Variants in HTR1F observed in about 807,000 individuals in gnomAD.
The protein encoded by HTR1F is 5-hydroxytryptamine (serotonin) receptor 1F, G protein-coupled.
A neutral mutation model predicts 24.0 loss-of-function variants in HTR1F; 17 were observed. The ratio of observed to expected loss-of-function variants is 0.71; its 90% CI spans 0.48 to 1.06. HTR1F has a LOEUF of 1.06. Ranked by LOEUF, HTR1F falls within the 50% of genes least tolerant of loss-of-function variation. The pLI is 0.00. For missense variants in HTR1F, 391 were observed against 427.8 expected (o/e 0.91, Z 0.76); for synonymous variants, 186 against 156.8 (o/e 1.19, Z -1.39).
At chr3:87,875,141 C>T (rs1344172238) in intron 2 of HTR1F, among the ~76,000 whole-genome samples, 7 of 152,164 alleles carry the variant, frequency 4.6e-5, no homozygotes, top group Admixed American at 2.0e-4. Context: ...AATGGAACCA[C>T]ATCAAACTTA....
intron 2 of HTR1F, among the ~76,000 whole-genome samples, chr3:87,834,551 C>T (rs368348546): frequency 9.2e-5 from 14 of 152,068 alleles, no homozygotes; most frequent in African/African-American, 3.1e-4. Context: ...CATACAAATC[C>T]ATGTCTTTTG....
At chr3:87,952,378 T>C (rs969484345) in intron 2 of HTR1F, among the ~76,000 whole-genome samples, 1 of 152,018 alleles carries the variant, frequency 6.6e-6, no homozygotes, top group African/African-American at 2.4e-5. Context: ...AATTGCAGAA[T>C]CTCATTAATA....
At chr3:87,884,140 G>C (rs538513475) in intron 2 of HTR1F, among the ~76,000 whole-genome samples, 1 of 152,274 alleles carries the variant, frequency 6.6e-6, no homozygotes, top group African/African-American at 2.4e-5. Flanking sequence ...ACTAACAGTG[G>C]ATCTCTTGGC....
At chr3:87,822,445 T>G (rs1014567217) in intron 2 of HTR1F, among the ~76,000 whole-genome samples, 1 of 152,122 alleles carries the variant, frequency 6.6e-6, no homozygotes, top group African/African-American at 2.4e-5. Context: ...TTATAGAAAG[T>G]GAAAGGTAGA....
At chr3:87,894,271 T>C (rs1706150011) in intron 2 of HTR1F, among the ~76,000 whole-genome samples, 1 of 152,130 alleles carries the variant, frequency 6.6e-6, no homozygotes, top group African/African-American at 2.4e-5. Flanking sequence ...AGTAAGAACA[T>C]ACAATGACAG....
chr3:87,948,516 CTG>C (rs919864554), intron 2 of HTR1F, among the ~76,000 whole-genome samples: 10 of 151,894 alleles, frequency 6.6e-5, no homozygotes, highest in African/African-American at 2.4e-4. Flanking sequence ...GGACCTCACT[CTG>C]TTGCCCAGGC....
At chr3:87,828,146 T>C (rs1323879836) in intron 2 of HTR1F, among the ~76,000 whole-genome samples, 4 of 152,226 alleles carry the variant, frequency 2.6e-5, no homozygotes, top group Admixed American at 2.6e-4. Flanking sequence ...GTTTTATAAA[T>C]TCTGTTCCAT....
chr3:87,847,077 CATAAA>C (rs1030561205), intron 2 of HTR1F, among the ~76,000 whole-genome samples: 3 of 151,296 alleles, frequency 2.0e-5, no homozygotes, highest in African/African-American at 7.3e-5. Context: ...ATAAAAAATT[CATAAA>C]ATAAAATATA....
chr3:87,945,302 C>G (rs1704671517), intron 2 of HTR1F, among the ~76,000 whole-genome samples: 1 of 152,226 alleles, frequency 6.6e-6, no homozygotes, highest in Middle Eastern at 3.4e-3. Flanking sequence ...CCTAAGGACA[C>G]AGCATAGAGC....
Position 87,990,959 on chromosome 3 carries a change from T to C in HTR1F, c.210T>C (p.Phe70=). 6.2e-7 allele frequency: 1 copy of C among 1,614,174 alleles called. No homozygotes were observed. The highest frequency in any genetic ancestry group is 8.5e-7 in the Non-Finnish European group (1 of 1,180,018). Residue 70 remains phenylalanine, a synonymous_variant, in exon 3 of 3, where the codon TTT becomes TTC. Transcript: ENST00000319595. Reference sequence around the variant, plus strand: ...TTTGTTCCCTTGCAGTCACAGATTTTCTTGTGGCTGTCCTGGTGATGCCCT... The same window carrying C: ...TTTGTTCCCTTGCAGTCACAGATTTCCTTGTGGCTGTCCTGGTGATGCCCT... ...YLICSLAVTD[F]LVAVLVMPFS...
At chr3:87,927,348 G>A (rs1254768417) in intron 2 of HTR1F, among the ~76,000 whole-genome samples, 3 of 146,076 alleles carry the variant, frequency 2.1e-5, no homozygotes, top group South Asian at 2.1e-4. Flanking sequence ...ATATTTATTC[G>A]TCTTAGTTTT....
At chr3:87,947,752 A>G (rs1704742592) in intron 2 of HTR1F, among the ~76,000 whole-genome samples, 1 of 151,422 alleles carries the variant, frequency 6.6e-6, no homozygotes, top group African/African-American at 2.4e-5. Context: ...AAAATGTTTG[A>G]CACAAAGTAA....
Position 87,844,717 on chromosome 3 carries a change from G to A in HTR1F, c.-43+22593G>A, listed in dbSNP as rs867971614. Among the ~76,000 whole-genome samples, 63 of 141,672 alleles carry A rather than the reference G, an allele frequency of 4.4e-4. 1 individual carries two copies. Among genetic ancestry groups the A allele is most frequent in the African/African-American group, 1.5e-3 (53 of 35,922 alleles). The allele number at this position is 141,672 out of a possible 152,430, so 92.9% of individuals were successfully genotyped here. A position where few individuals can be genotyped will look rare whatever the true frequency, so the allele number is the denominator to read the frequency against. Reference sequence around the variant, plus strand: ...AATTAATTTTTGTATAAGGTGTAAGGAAGGGATCCAGTTTCAGCTTTCTAC... The same window carrying A: ...AATTAATTTTTGTATAAGGTGTAAGAAAGGGATCCAGTTTCAGCTTTCTAC... On this transcript the variant is annotated intron_variant, in intron 2 of 2. Transcript: ENST00000319595.
chr3:87,899,484 T>A (rs1706275496), intron 2 of HTR1F, among the ~76,000 whole-genome samples: 1 of 152,164 alleles, frequency 6.6e-6, no homozygotes, highest in African/African-American at 2.4e-5. Context: ...TTATAAACAT[T>A]AAAGCTCTGT....
At chr3:87,838,960 T>C (rs749544401) in intron 2 of HTR1F, among the ~76,000 whole-genome samples, 4 of 151,772 alleles carry the variant, frequency 2.6e-5, no homozygotes, top group Non-Finnish European at 5.9e-5. Context: ...TTTCTCCCAA[T>C]CCATGAATTG....
intron 2 of HTR1F, among the ~76,000 whole-genome samples, chr3:87,863,536 A>G (rs1461995568): frequency 1.3e-5 from 2 of 152,198 alleles, no homozygotes; most frequent in Non-Finnish European, 2.9e-5. Flanking sequence ...ATTTTCAGCC[A>G]CTATATATCA....
At chr3:87,946,627 ATTT>A (rs113993620) in intron 2 of HTR1F, among the ~76,000 whole-genome samples, 11 of 129,148 alleles carry the variant, frequency 8.5e-5, no homozygotes, top group East Asian at 2.1e-4. Flanking sequence ...ATATATATAT[ATTT>A]TTTTTTTTTT....
At chr3:87,932,362 C>T (rs1704298481) in intron 2 of HTR1F, among the ~76,000 whole-genome samples, 1 of 151,976 alleles carries the variant, frequency 6.6e-6, no homozygotes, top group South Asian at 2.1e-4. Context: ...TGTAGATATG[C>T]AGCGTTATTT....
At chr3:87,894,420 G>A (rs1323553901) in intron 2 of HTR1F, among the ~76,000 whole-genome samples, 1 of 151,832 alleles carries the variant, frequency 6.6e-6, no homozygotes, top group Non-Finnish European at 1.5e-5. Context: ...CCATGCCTGG[G>A]TAATTTTTGT....
Sources: allele counts gnomAD v4.1 joint callset (sites outside exome capture counted in the v4.1 genomes callset), GRCh38; gene constraint gnomAD v4.1.1; transcripts MANE v1.5; gene names NCBI Gene and HGNC (gene_info 2026-07-23, HGNC 2026-07-21).